IRF8: variants seen among roughly 807,000 people sequenced by gnomAD.
IRF8 encodes interferon regulatory factor 8, also known as interferon consensus sequence binding protein 1.
Under a neutral mutation model 48.7 loss-of-function variants are expected in IRF8, and 14 were observed. The ratio of observed to expected loss-of-function variants is 0.29; its 90% CI spans 0.19 to 0.45. The LOEUF is 0.45. IRF8 is among the 20% of genes least tolerant of loss of function. The pLI is 1.00. For synonymous variants in IRF8, 278 were observed against 227.3 expected, an observed-to-expected ratio of 1.22 and a Z score of -2.01; for missense variants, 493 against 580.7, an observed-to-expected ratio of 0.85 and a Z score of 1.55.
intron 2 of IRF8, among the ~76,000 whole-genome samples, chr16:85,905,455 A>G (rs931490563): frequency 3.9e-5 from 6 of 152,298 alleles, no homozygotes; most frequent in South Asian, 2.1e-4. Flanking sequence ...AAGATTCCCA[A>G]TGTTTCCGTT....
intron 2 of IRF8, among the ~76,000 whole-genome samples, chr16:85,906,978 G>T (rs1189209394): frequency 6.6e-6 from 1 of 152,156 alleles, no homozygotes; most frequent in East Asian, 1.9e-4. Flanking sequence ...AACTACAGTT[G>T]ATTTAGTACA....
At chr16:85,911,491 T>G in intron 3 of IRF8, 79 bp from the exon 4 acceptor site, 2 of 1,199,044 alleles carry the variant, frequency 1.7e-6, no homozygotes, top group Non-Finnish European at 2.5e-6. Flanking sequence ...ACTCAGCATT[T>G]ACAGAGTAGA....
At position 85,918,544 on chromosome 16, in the gene IRF8, G is replaced by T; in HGVS notation, c.729G>T (p.Gly243=). Residue 243 remains glycine, a synonymous_variant, in exon 7 of 9, where the codon GGG becomes GGT. Transcript: ENST00000268638. Reference sequence around the variant, plus strand: ...GGCTGCCCGGCACCAAGCTGTATGGGCCCGAGGGCCTGGAGCTGGTGCGCT... The same window carrying T: ...GGCTGCCCGGCACCAAGCTGTATGGTCCCGAGGGCCTGGAGCTGGTGCGCT... The part of the protein sequence containing the change: ...QPGLPGTKLY[G]PEGLELVRFP... 6.2e-7 allele frequency: 1 copy of T among 1,602,590 alleles called. No individual in the cohort carries two copies. Among genetic ancestry groups the T allele is most frequent in the Non-Finnish European group, 8.5e-7 (1 of 1,178,958 alleles).
At chr16:85,915,748 C>G (rs930653600) in intron 6 of IRF8, among the ~76,000 whole-genome samples, 2 of 152,184 alleles carry the variant, frequency 1.3e-5, no homozygotes, top group African/African-American at 4.8e-5. Context: ...GTCTGCTGAC[C>G]AGTGCTTTCC....
chr16:85,908,279 A>AT (rs1234085568), intron 2 of IRF8, among the ~76,000 whole-genome samples: 1 of 152,088 alleles, frequency 6.6e-6, no homozygotes, highest in South Asian at 2.1e-4. Context: ...CACCTGTCTT[A>AT]TTTTTTTAAA....
rs575823888 is a variant in IRF8, at chr16:85,918,782, G to A, written c.967G>A (p.Asp323Asn). ...GCGTGATGAGGTGGTCCAGGTCTTC[G>A]ACACCAGCCAGTTCTTCCGAGGTCT... ...LERDEVVQVF[D>N]TSQFFRELQQ... is the part of the protein sequence containing the mutation. The change falls in exon 7 of 9, where the codon GAC becomes AAC. Residue 323 changes from aspartate (D) to asparagine (N), a missense_variant. Asp to Asn is a conservative substitution (Grantham distance 23, BLOSUM62 1). Around this residue, in one of 3 missense-constraint regions of IRF8, gnomAD observed 408 missense variants for 449.6 expected, o/e 0.91. Coordinates refer to ENST00000268638, the MANE Select transcript of IRF8 (RefSeq NM_002163.4). The A allele has an allele frequency of 1.5e-5, 24 of 1,610,088 alleles. No homozygotes were observed. In the South Asian group the frequency reaches 1.9e-4, roughly 13 times the overall value.
intron 6 of IRF8, among the ~76,000 whole-genome samples, chr16:85,916,572 GAC>G (rs901470757): frequency 2.0e-5 from 3 of 152,198 alleles, no homozygotes; most frequent in African/African-American, 7.2e-5. Flanking sequence ...TGGTCACTAA[GAC>G]ACTCCTGCTT....
chr16:85,905,505 T>C (rs1904970752), intron 2 of IRF8, among the ~76,000 whole-genome samples: 1 of 152,208 alleles, frequency 6.6e-6, no homozygotes. Flanking sequence ...GAAATGAGTC[T>C]ACCATCTCAG....
At chr16:85,905,284 T>G (rs1039274951) in intron 2 of IRF8, among the ~76,000 whole-genome samples, 1 of 152,206 alleles carries the variant, frequency 6.6e-6, no homozygotes, top group Non-Finnish European at 1.5e-5. Context: ...GACTAGGCTG[T>G]GTAGCCCTGA....
intron 6 of IRF8, among the ~76,000 whole-genome samples, chr16:85,915,300 C>T (rs908378276): frequency 5.3e-5 from 8 of 152,194 alleles, no homozygotes; most frequent in Non-Finnish European, 1.2e-4. Flanking sequence ...TTGGCTGGTT[C>T]TGTGGGAGGC....
chr16:85,910,452 T>C (rs1377346746), intron 3 of IRF8, among the ~76,000 whole-genome samples: 3 of 152,194 alleles, frequency 2.0e-5, no homozygotes, highest in African/African-American at 7.2e-5. Context: ...GGCTAAGCAG[T>C]CATCTTTTTG....
At chr16:85,918,946 C>T (rs1597257041) in intron 7 of IRF8, 143 bp downstream of exon 7, 17 of 1,107,512 alleles carry the variant, frequency 1.5e-5, no homozygotes, top group Admixed American at 7.8e-5. Context: ...CAAGGAGGTG[C>T]TCCTTTGAAT....
In IRF8 at chr16:85,921,405, T is replaced by A; in HGVS notation, c.*123T>A. On this transcript the variant is annotated 3_prime_UTR_variant, in exon 9 of 9. Coordinates refer to ENST00000268638, the MANE Select transcript of IRF8 (RefSeq NM_002163.4). ...GGGGTGGGATGCCTTACTTTGCACT[T>A]AATTTAATAAGGGCATTCTCGGAGG... The A allele has an allele frequency of 1.9e-6, 2 of 1,046,758 alleles. No individual in the cohort carries two copies. Among genetic ancestry groups the A allele is most frequent in the Non-Finnish European group, 2.9e-6 (2 of 681,260 alleles). The allele number at this position is 1,046,758 out of a possible 1,614,324, so 64.8% of individuals were successfully genotyped here.
chr16:85,911,776 GA>G, intron 4 of IRF8, 118 bp downstream of exon 4: 1 of 805,854 alleles, frequency 1.2e-6, no homozygotes, highest in Non-Finnish European at 2.1e-6. Context: ...GCTCGCTGAG[GA>G]AGTGGCATCT....
chr16:85,921,344 C>T lies in IRF8; in HGVS notation c.*62C>T. The T allele has an allele frequency of 1.3e-6, 2 of 1,535,692 alleles. No homozygotes were observed. The highest frequency in any genetic ancestry group is 1.8e-6 in the Non-Finnish European group (2 of 1,116,234). On this transcript the variant is annotated 3_prime_UTR_variant, in exon 9 of 9. Transcript: ENST00000268638. ...GCATCCATCTCCCTGTTACAGTGGC[C>T]CGCATCATGATTAAAGAATGTGGAT...
intron 8 of IRF8, among the ~76,000 whole-genome samples, chr16:85,920,770 A>G (rs955307713): frequency 4.6e-5 from 7 of 152,042 alleles, no homozygotes; most frequent in Admixed American, 2.6e-4. Context: ...TTTGGTTTTT[A>G]AATCTAAGCC....
chr16:85,908,953 G>C, intron 2 of IRF8, 37 bp from the exon 3 acceptor site: 1 of 1,564,498 alleles, frequency 6.4e-7, no homozygotes, highest in Non-Finnish European at 8.8e-7. Context: ...GATTGGAGTC[G>C]GCCATGAATT....
intron 6 of IRF8, among the ~76,000 whole-genome samples, chr16:85,916,159 A>G (rs1210178835): frequency 6.6e-6 from 1 of 152,208 alleles, no homozygotes; most frequent in Non-Finnish European, 1.5e-5. Context: ...TGTGCCGAGC[A>G]CAAATACAAG....
intron 8 of IRF8, 109 bp downstream of exon 8, chr16:85,920,333 G>T: frequency 2.8e-6 from 2 of 716,448 alleles, no homozygotes; most frequent in Non-Finnish European, 4.6e-6. Flanking sequence ...TGCAACCTCC[G>T]CCTCCCGGGT....
Sources: gnomAD v4.1 joint callset for allele counts (sites outside exome capture counted in the v4.1 genomes callset) on GRCh38, gnomAD v4.1.1 for gene constraint, gnomAD v4.1.1 regional missense constraint, MANE v1.5 for transcripts, NCBI Gene and HGNC (gene_info 2026-07-23, HGNC 2026-07-21) for gene names.